The following DISC1 variants were observed in gnomAD, a reference collection of about 807,000 sequenced individuals.
DISC1 encodes disrupted in schizophrenia 1 protein.
DISC1 carries 57 observed loss-of-function variants against 84.5 expected under a neutral mutation model. The ratio of observed to expected loss-of-function variants is 0.67; its 90% CI spans 0.55 to 0.84. The LOEUF (loss-of-function observed/expected upper bound fraction) is 0.84. Among genes scored for constraint, DISC1 ranks in the 40% least tolerant of loss-of-function variants. The pLI is 0.00. For missense variants in DISC1, 1,000 were observed against 1,057.8 expected (o/e 0.95, Z 0.76); for synonymous variants, 411 against 415.2 (o/e 0.99, Z 0.12).
chr1:231,805,494 G>A (rs565635050), intron 8 of DISC1, among the ~76,000 whole-genome samples: 5 of 152,214 alleles, frequency 3.3e-5, no homozygotes. Context: ...GGAGGGGGGT[G>A]GGGGAGGTGC....
chr1:231,952,691 TTA>T (rs60722025), intron 9 of DISC1, among the ~76,000 whole-genome samples: 8,545 of 141,648 alleles, frequency 0.06, 427 homozygotes, highest in East Asian at 0.28. Flanking sequence ...ATATATATGT[TTA>T]TATATATATA....
chr1:231,901,294 A>G (rs2088153472), intron 9 of DISC1, among the ~76,000 whole-genome samples: 1 of 152,212 alleles, frequency 6.6e-6, no homozygotes, highest in East Asian at 1.9e-4. Context: ...ATGCTATGCA[A>G]TGGTATTATT....
rs370884722 is a variant in DISC1, at chr1:232,013,516, G to A, written c.2307+4467G>A. 1.0e-4 allele frequency among the ~76,000 whole-genome samples: 6 copies of A among 58,430 alleles called. No individual in the cohort carries two copies. The South Asian group carries it at 2.7e-3, about 26-fold the overall frequency. 38.3% of individuals were successfully genotyped at this position (58,430 alleles called of 152,430 possible). A position where few individuals can be genotyped will look rare whatever the true frequency, so the allele number is the denominator to read the frequency against. Reference sequence around the variant, plus strand: ...ACTCCTATAACAAAAACAAGTTAACGAGAAAAACATAACACATTTATTTAA... The same window carrying A: ...ACTCCTATAACAAAAACAAGTTAACAAGAAAAACATAACACATTTATTTAA... On this transcript the variant is annotated intron_variant, in intron 11 of 12. Coordinates refer to ENST00000439617, the MANE Select transcript of DISC1 (RefSeq NM_018662.3).
chr1:231,773,495 C>T (rs2812387), intron 6 of DISC1, among the ~76,000 whole-genome samples: 25,541 of 152,170 alleles, frequency 0.17, 2,376 homozygotes, highest in Middle Eastern at 0.31. Flanking sequence ...AGCGATTTTC[C>T]TGCCTCAGCC....
intron 9 of DISC1, among the ~76,000 whole-genome samples, chr1:231,879,452 G>T (rs1198340923): frequency 6.6e-6 from 1 of 151,974 alleles, no homozygotes; most frequent in Non-Finnish European, 1.5e-5. Flanking sequence ...TAAAAGGTTT[G>T]CTATAGCCAG....
chr1:231,968,022 TAAAACTAAGTAA>T (rs995903295), intron 10 of DISC1, among the ~76,000 whole-genome samples: 1 of 152,216 alleles, frequency 6.6e-6, no homozygotes, highest in African/African-American at 2.4e-5. Context: ...GATATGTATA[TAAAACTAAGTAA>T]CACTTTACAA....
At chr1:232,026,392 T>A in intron 11 of DISC1, 43 bp from the exon 12 acceptor site, 1 of 1,361,146 alleles carries the variant, frequency 7.3e-7, no homozygotes, top group Non-Finnish European at 1.0e-6. Context: ...TCTGTCTGTG[T>A]CCACGGCACT....
intron 4 of DISC1, among the ~76,000 whole-genome samples, chr1:231,753,225 T>G (rs140419877): frequency 0.011 from 1,665 of 152,346 alleles, 30 homozygotes; most frequent in African/African-American, 0.039. Context: ...TGGTTCTCCA[T>G]GAGGGGTCCT....
intron 10 of DISC1, among the ~76,000 whole-genome samples, chr1:231,973,048 CT>C (rs397934533): frequency 0.025 from 3,401 of 137,010 alleles, 115 homozygotes; most frequent in East Asian, 0.17. Context: ...ATGTCTTGTT[CT>C]TTTTTTTTTT....
intron 3 of DISC1, among the ~76,000 whole-genome samples, chr1:231,708,864 A>G (rs952729113): frequency 6.6e-6 from 1 of 152,184 alleles, no homozygotes; most frequent in African/African-American, 2.4e-5. Context: ...GTAGCAGGAA[A>G]ATTTTCCACA....
chr1:231,808,988 A>G (rs2080001377), intron 8 of DISC1, among the ~76,000 whole-genome samples: 1 of 152,242 alleles, frequency 6.6e-6, no homozygotes, highest in South Asian at 2.1e-4. Flanking sequence ...ATGAAGCATC[A>G]TGCAGAGAGA....
At chr1:231,728,467 T>C (rs925492210) in intron 3 of DISC1, among the ~76,000 whole-genome samples, 1 of 152,146 alleles carries the variant, frequency 6.6e-6, no homozygotes, top group African/African-American at 2.4e-5. Context: ...CCCATCTGGG[T>C]CCAGGAGTTA....
At chr1:231,859,275 T>A (rs1478845581) in intron 9 of DISC1, among the ~76,000 whole-genome samples, 2 of 152,212 alleles carry the variant, frequency 1.3e-5, no homozygotes, top group African/African-American at 2.4e-5. Context: ...CTTAGTCTAT[T>A]TGGGCTGCTG....
At chr1:231,972,399 C>T (rs971345981) in intron 10 of DISC1, among the ~76,000 whole-genome samples, 1 of 152,140 alleles carries the variant, frequency 6.6e-6, no homozygotes, top group Non-Finnish European at 1.5e-5. Flanking sequence ...GACTATGAAG[C>T]CTTTCAACTG....
At chr1:231,692,098 G>A (rs572257027) in intron 1 of DISC1, among the ~76,000 whole-genome samples, 2 of 152,338 alleles carry the variant, frequency 1.3e-5, no homozygotes, top group East Asian at 3.9e-4. Context: ...TCAAATCCGG[G>A]CTTTGGGAAA....
intron 11 of DISC1, among the ~76,000 whole-genome samples, chr1:232,015,607 T>G (rs1403684379): frequency 1.3e-5 from 2 of 152,076 alleles, no homozygotes; most frequent in African/African-American, 4.8e-5. Context: ...GCAGTTAAAG[T>G]CAAGAGCTTC....
intron 3 of DISC1, chr1:231,720,993 G>T: frequency 7.7e-7 from 1 of 1,290,924 alleles, no homozygotes; most frequent in Non-Finnish European, 1.0e-6. Flanking sequence ...AACAGCAACT[G>T]TGGATACGGA....
intron 11 of DISC1, among the ~76,000 whole-genome samples, chr1:232,016,198 CACTT>C (rs1481679218): frequency 1.3e-5 from 2 of 152,192 alleles, no homozygotes; most frequent in Admixed American, 1.3e-4. Context: ...TACAGTGAAA[CACTT>C]AGAGTTCAAA....
chr1:231,639,356 G>A (rs151316060), intron 1 of DISC1, among the ~76,000 whole-genome samples: 3 of 152,252 alleles, frequency 2.0e-5, no homozygotes, highest in Non-Finnish European at 4.4e-5. Flanking sequence ...ATGAAGCATG[G>A]GGCACTGCAG....
Sources: gnomAD v4.1 joint callset for allele counts (sites outside exome capture counted in the v4.1 genomes callset) on GRCh38, gnomAD v4.1.1 for gene constraint, MANE v1.5 for transcripts, NCBI Gene and HGNC (gene_info 2026-07-23, HGNC 2026-07-21) for gene names.